Variants in LHPP observed in about 807,000 individuals in gnomAD.
LHPP encodes hLHPP.
In LHPP, 24 loss-of-function variants were observed where a neutral mutation model predicts 30.3. The observed-to-expected ratio is 0.79, with a 90% CI of 0.57 to 1.11. The LOEUF (loss-of-function observed/expected upper bound fraction) is 1.11, where lower values mean the gene tolerates loss of function less well. Ranked by LOEUF, LHPP falls within the 50% of genes most tolerant of loss-of-function variation. LHPP has a pLI of 0.00. For synonymous variants in LHPP, 150 were observed against 157.1 expected (o/e 0.95, Z 0.34); for missense variants, 356 against 367.2 (o/e 0.97, Z 0.25).
rs1954668164 is a variant in LHPP at position 124,523,873 on chromosome 10, A to G, written c.716+6602A>G. Among the ~76,000 whole-genome samples, 2 of 152,298 alleles carry G rather than the reference A, an allele frequency of 1.3e-5. No individual in the cohort carries two copies. Among genetic ancestry groups the G allele is most frequent in the Admixed American group, 6.5e-5 (1 of 15,300 alleles). On this transcript the variant is annotated intron_variant, in intron 6 of 6. Coordinates refer to ENST00000368842, the MANE Select transcript of LHPP (RefSeq NM_022126.4). The surrounding 1 kb of genome is among the most constrained non-coding windows in gnomAD (Gnocchi z 4.2). ...GGCCTGTGGAAAAATCCACTGTGCA[A>G]TGAGTCCGTGAATCCCAGACATCCT...
rs1564782785 is a variant in LHPP at position 124,488,416 on chromosome 10, T to C, written c.314-6T>C. 6.2e-7 allele frequency: 1 copy of C among 1,613,776 alleles called. No homozygotes were observed. The highest frequency in any genetic ancestry group is 8.5e-7 in the Non-Finnish European group (1 of 1,179,902). On this transcript the variant is annotated splice_polypyrimidine_tract_variant and splice_region_variant and intron_variant, in intron 2 of 6. Coordinates refer to ENST00000368842, the MANE Select transcript of LHPP (RefSeq NM_022126.4). ...CGTGGCACTCTGTCTCTCTCTCTCTTTCCAGGAGTCCGCTCAGAATTTGAT... is the reference window on the plus strand; with the variant it reads ...CGTGGCACTCTGTCTCTCTCTCTCTCTCCAGGAGTCCGCTCAGAATTTGAT...
chr10:124,556,727 A>C (rs942117965), intron 6 of LHPP, among the ~76,000 whole-genome samples: 1 of 152,190 alleles, frequency 6.6e-6, no homozygotes, highest in Non-Finnish European at 1.5e-5. Context: ...CGCCTCCATC[A>C]ATGGGAAAAG....
At chr10:124,492,695 A>G (rs1422258359) in intron 3 of LHPP, among the ~76,000 whole-genome samples, 3 of 152,204 alleles carry the variant, frequency 2.0e-5, no homozygotes, top group Non-Finnish European at 4.4e-5. Flanking sequence ...GACATATTAA[A>G]TTAACCCTTG....
chr10:124,542,997 C>A (rs893152970), intron 6 of LHPP, among the ~76,000 whole-genome samples: 8 of 152,210 alleles, frequency 5.3e-5, no homozygotes, highest in African/African-American at 1.2e-4. Context: ...GTCGTTGCCC[C>A]TGCACTGCGT....
chr10:124,528,743 C>T (rs369379488), intron 6 of LHPP, among the ~76,000 whole-genome samples: 1 of 152,252 alleles, frequency 6.6e-6, no homozygotes, highest in East Asian at 1.9e-4. Flanking sequence ...CCCTGGTCCC[C>T]GTAGATATTT....
intron 6 of LHPP, among the ~76,000 whole-genome samples, chr10:124,536,736 G>A (rs531023321): frequency 1.5e-4 from 23 of 152,282 alleles, no homozygotes; most frequent in African/African-American, 4.1e-4. Flanking sequence ...CAGACCCCCC[G>A]CCATTGGCAG....
At chr10:124,609,038 G>C (rs1341863522) in intron 6 of LHPP, among the ~76,000 whole-genome samples, 2 of 152,210 alleles carry the variant, frequency 1.3e-5, no homozygotes, top group African/African-American at 4.8e-5. Context: ...GGCCTGTCCA[G>C]AGCCCTGGGG....
chr10:124,504,978 C>A (rs550263739), intron 5 of LHPP, among the ~76,000 whole-genome samples: 1 of 152,140 alleles, frequency 6.6e-6, no homozygotes. Context: ...CTGCCATCCA[C>A]CCTGAGCATC....
intron 6 of LHPP, among the ~76,000 whole-genome samples, chr10:124,574,200 G>A (rs953546812): frequency 6.6e-6 from 1 of 152,228 alleles, no homozygotes; most frequent in Admixed American, 6.5e-5. Context: ...CTGCCGCGCA[G>A]AACAGTAAGT....
chr10:124,577,916 C>G (rs1948690073), intron 6 of LHPP, among the ~76,000 whole-genome samples: 1 of 152,108 alleles, frequency 6.6e-6, no homozygotes, highest in African/African-American at 2.4e-5. Flanking sequence ...GGTGGGGCCA[C>G]ACTGGTCCCC....
intron 6 of LHPP, among the ~76,000 whole-genome samples, chr10:124,580,028 C>G (rs924968457): frequency 2.0e-5 from 3 of 152,160 alleles, no homozygotes; most frequent in African/African-American, 7.2e-5. Flanking sequence ...TGTGCTTGAG[C>G]ACTTCTTCAA....
chr10:124,571,423 A>G (rs908801236), intron 6 of LHPP, among the ~76,000 whole-genome samples: 1 of 152,242 alleles, frequency 6.6e-6, no homozygotes, highest in African/African-American at 2.4e-5. Flanking sequence ...TAAGGAAGAA[A>G]GTAAATTTAT....
At chr10:124,577,832 G>A (rs540971782) in intron 6 of LHPP, among the ~76,000 whole-genome samples, 4 of 152,130 alleles carry the variant, frequency 2.6e-5, no homozygotes, top group South Asian at 2.1e-4. Context: ...TTGTGGCCCC[G>A]TCACAACTGT....
At chr10:124,501,212 A>G (rs932375423) in intron 5 of LHPP, among the ~76,000 whole-genome samples, 1 of 151,904 alleles carries the variant, frequency 6.6e-6, no homozygotes, top group African/African-American at 2.4e-5. Context: ...AAATCCATAG[A>G]GATGGAAAGG....
At chr10:124,527,549 C>G (rs1053299883) in intron 6 of LHPP, among the ~76,000 whole-genome samples, 6 of 152,126 alleles carry the variant, frequency 3.9e-5, no homozygotes, top group African/African-American at 1.4e-4. Flanking sequence ...GGCTGGGGTG[C>G]CCTTTGCCCA....
At chr10:124,562,934 TA>T (rs972284456) in intron 6 of LHPP, among the ~76,000 whole-genome samples, 58 of 102,762 alleles carry the variant, frequency 5.6e-4, no homozygotes, top group Admixed American at 6.1e-4. Flanking sequence ...AGATACCATC[TA>T]AAAAAAAAAA....
rs550305244 is a variant in LHPP, at chr10:124,494,235, G to A, written c.468-2726G>A. Reference sequence around the variant, plus strand: ...GAGGCCAGAGGAAGTGGCGCCGCGTGGGTCCCCTTAGGAGGTTTTGCCAGA... The same window carrying A: ...GAGGCCAGAGGAAGTGGCGCCGCGTAGGTCCCCTTAGGAGGTTTTGCCAGA... On this transcript the variant is annotated intron_variant, in intron 3 of 6. Transcript: ENST00000368842. Among the ~76,000 whole-genome samples the A allele has an allele frequency of 2.6e-5, 4 of 152,254 alleles. No homozygotes were observed. The East Asian group carries it at 7.7e-4, about 29-fold the overall frequency.
chr10:124,481,396 C>T (rs1469224264), intron 1 of LHPP, among the ~76,000 whole-genome samples: 4 of 23,630 alleles, frequency 1.7e-4, no homozygotes, highest in Non-Finnish European at 4.3e-4. Flanking sequence ...TTTTTTTTTG[C>T]GACAGAGTCT....
At chr10:124,611,202 G>A (rs1949193498) in intron 6 of LHPP, among the ~76,000 whole-genome samples, 2 of 152,174 alleles carry the variant, frequency 1.3e-5, no homozygotes, top group South Asian at 4.1e-4. Flanking sequence ...TGGAGCGGGT[G>A]CTGGCAACTG....
Sources: gnomAD v4.1 joint callset for allele counts (sites outside exome capture counted in the v4.1 genomes callset) on GRCh38, gnomAD v4.1.1 for gene constraint, Gnocchi (gnomAD v3.1) non-coding constraint, MANE v1.5 for transcripts, NCBI Gene and HGNC (gene_info 2026-07-23, HGNC 2026-07-21) for gene names.